The following BNC2 variants were observed in gnomAD, a reference collection of about 807,000 sequenced individuals.
The protein encoded by BNC2 is zinc finger protein basonuclin-2.
A neutral mutation model predicts 76.3 loss-of-function variants in BNC2; 20 were observed. The observed-to-expected ratio is 0.26, with a 90% confidence interval of 0.18 to 0.38. The LOEUF is 0.38. BNC2 is among the 10% of genes least tolerant of loss of function. BNC2 has a pLI of 1.00. For missense variants in BNC2, 1,382 were observed against 1,399.8 expected (o/e 0.99, Z 0.20); for synonymous variants, 582 against 514.8 (o/e 1.13, Z -1.77).
At chr9:16,571,286 A>G (rs1003919097) in intron 4 of BNC2, among the ~76,000 whole-genome samples, 9 of 152,160 alleles carry the variant, frequency 5.9e-5, no homozygotes, top group Non-Finnish European at 1.3e-4. Context: ...CTGAACTGAC[A>G]AATGCCTGTC....
At chr9:16,590,074 C>G (rs900341271) in intron 3 of BNC2, among the ~76,000 whole-genome samples, 1 of 151,736 alleles carries the variant, frequency 6.6e-6, no homozygotes, top group African/African-American at 2.4e-5. Flanking sequence ...GCCTGGGCAA[C>G]ATGGCAAAAC....
chr9:16,829,050 C>T (rs1476887510), intron 1 of BNC2, among the ~76,000 whole-genome samples: 2 of 152,088 alleles, frequency 1.3e-5, no homozygotes, highest in African/African-American at 4.8e-5. Context: ...CGGCACGAGG[C>T]ACCAGGGGAC....
intron 1 of BNC2, among the ~76,000 whole-genome samples, chr9:16,839,249 T>C (rs1178595633): frequency 6.6e-6 from 1 of 152,244 alleles, no homozygotes; most frequent in African/African-American, 2.4e-5. Context: ...TCTTAGTTGC[T>C]TTCAATACTG....
chr9:16,453,903 C>A (rs574492008), intron 5 of BNC2, among the ~76,000 whole-genome samples: 42 of 152,320 alleles, frequency 2.8e-4, no homozygotes, highest in Admixed American at 1.4e-3. Context: ...CTGCCCCAAT[C>A]TACCTTTTAT....
At chr9:16,424,755 G>A (rs1820773036) in intron 6 of BNC2, among the ~76,000 whole-genome samples, 2 of 152,142 alleles carry the variant, frequency 1.3e-5, no homozygotes, top group African/African-American at 2.4e-5. Context: ...CTTTTGAGTA[G>A]AAATGTAAAC....
At chr9:16,671,862 G>C (rs1822487552) in intron 3 of BNC2, among the ~76,000 whole-genome samples, 1 of 152,190 alleles carries the variant, frequency 6.6e-6, no homozygotes, top group African/African-American at 2.4e-5. Flanking sequence ...TATCTACATA[G>C]CTCAACAATG....
chr9:16,741,453 CAA>C (rs568694595), intron 1 of BNC2, among the ~76,000 whole-genome samples: 1 of 125,642 alleles, frequency 8.0e-6, no homozygotes, highest in Non-Finnish European at 1.7e-5. Flanking sequence ...AACTCCATTT[CAA>C]AAAAAAAAAA....
chr9:16,601,568 C>G (rs1820244996), intron 3 of BNC2, among the ~76,000 whole-genome samples: 1 of 152,114 alleles, frequency 6.6e-6, no homozygotes, highest in Non-Finnish European at 1.5e-5. Context: ...TCAGAGGGAG[C>G]TGAGTCCAAG....
At chr9:16,534,462 C>T (rs1818070718) in intron 5 of BNC2, among the ~76,000 whole-genome samples, 1 of 152,128 alleles carries the variant, frequency 6.6e-6, no homozygotes, top group Non-Finnish European at 1.5e-5. Context: ...TCTCTCTAAA[C>T]TGACATAATA....
chr9:16,470,336 A>T (rs1444400332), intron 5 of BNC2, among the ~76,000 whole-genome samples: 3 of 152,160 alleles, frequency 2.0e-5, no homozygotes, highest in Admixed American at 6.5e-5. Flanking sequence ...ACAAAAGTTT[A>T]AAAAATTTGC....
intron 4 of BNC2, among the ~76,000 whole-genome samples, chr9:16,573,228 AAAAAAAAAAC>A (rs1448673527): frequency 6.8e-6 from 1 of 147,740 alleles, no homozygotes; most frequent in Non-Finnish European, 1.5e-5. Flanking sequence ...TCTCAAAAAA[AAAAAAAAAAC>A]AGAAAAAGAA....
chr9:16,477,599 T>C (rs914768080), intron 5 of BNC2, among the ~76,000 whole-genome samples: 1 of 152,222 alleles, frequency 6.6e-6, no homozygotes, highest in Non-Finnish European at 1.5e-5. Context: ...GAACTTCATT[T>C]AGACATTTAA....
chr9:16,649,237 T>C (rs964799919), intron 3 of BNC2, among the ~76,000 whole-genome samples: 3 of 152,162 alleles, frequency 2.0e-5, no homozygotes, highest in Admixed American at 6.5e-5. Flanking sequence ...TGCAAAGCAG[T>C]GTGTGCTATC....
intron 1 of BNC2, among the ~76,000 whole-genome samples, chr9:16,780,993 T>C (rs116368721): frequency 0.011 from 1,614 of 152,114 alleles, 37 homozygotes; most frequent in African/African-American, 0.037. Flanking sequence ...CTCTATAAGA[T>C]ATAATTCCTT....
At chr9:16,802,795 G>C (rs984184717) in intron 1 of BNC2, among the ~76,000 whole-genome samples, 2 of 152,202 alleles carry the variant, frequency 1.3e-5, no homozygotes, top group Non-Finnish European at 2.9e-5. Flanking sequence ...GCTGGGACCA[G>C]AGAATGTTCT....
At chr9:16,497,978 G>GGTGT (rs34523754) in intron 5 of BNC2, among the ~76,000 whole-genome samples, 29,214 of 134,548 alleles carry the variant, frequency 0.22, 3,640 homozygotes, top group East Asian at 0.29. Context: ...AAGAAACTGT[G>GGTGT]GTGTGTGTGT....
chr9:16,772,894 G>A (rs977637219), intron 1 of BNC2, among the ~76,000 whole-genome samples: 3 of 152,254 alleles, frequency 2.0e-5, no homozygotes, highest in Admixed American at 2.0e-4. Flanking sequence ...GGGAAATCTT[G>A]TACTAGCAGC....
At chr9:16,850,226 G>C (rs1432778270) in intron 1 of BNC2, among the ~76,000 whole-genome samples, 1 of 152,122 alleles carries the variant, frequency 6.6e-6, no homozygotes, top group Non-Finnish European at 1.5e-5. Flanking sequence ...CTCTACAGTA[G>C]AATTTATCAG....
chr9:16,814,505 C>A (rs375141874), intron 1 of BNC2, among the ~76,000 whole-genome samples: 2 of 152,046 alleles, frequency 1.3e-5, no homozygotes, highest in Non-Finnish European at 2.9e-5. Context: ...AGGTAATTAC[C>A]CCTAAATTAT....
Sources: gnomAD v4.1 joint callset for allele counts (sites outside exome capture counted in the v4.1 genomes callset) on GRCh38, gnomAD v4.1.1 for gene constraint, MANE v1.5 for transcripts, NCBI Gene and HGNC (gene_info 2026-07-23, HGNC 2026-07-21) for gene names.